Variants in PTPRG observed in about 807,000 individuals in gnomAD.
The protein encoded by PTPRG is receptor-type tyrosine-protein phosphatase gamma.
A neutral mutation model predicts 165.3 loss-of-function variants in PTPRG; 102 were observed. The ratio of observed to expected loss-of-function variants is 0.62; its 90% CI spans 0.53 to 0.73. PTPRG has a LOEUF of 0.73. PTPRG is among the 30% of genes least tolerant of loss of function. PTPRG has a pLI of 0.00. For synonymous variants in PTPRG, 675 were observed against 669.5 expected, an observed-to-expected ratio of 1.01 and a Z score of -0.13; for missense variants, 1,866 against 1,861.4, an observed-to-expected ratio of 1.00 and a Z score of -0.05.
At chr3:62,285,806 T>C (rs915618071) in intron 28 of PTPRG, among the ~76,000 whole-genome samples, 2 of 152,124 alleles carry the variant, frequency 1.3e-5, no homozygotes, top group Non-Finnish European at 2.9e-5. Context: ...CAGCTGTAGA[T>C]CAGACCTCAC....
Position 61,887,139 on chromosome 3 carries a change from TA to T in PTPRG, c.191-102485del, listed in dbSNP as rs1559670136. On this transcript the variant is annotated intron_variant, in intron 2 of 29. Transcript: ENST00000474889. ...CATAGCATGCATATATATATATATA[TA>T]TATATATATATATATATATATATAT... is the stretch of plus-strand genomic sequence containing the variant. Among the ~76,000 whole-genome samples the T allele has an allele frequency of 7.7e-5, 4 of 51,882 alleles. 2 individuals carry two copies. In the East Asian group the frequency reaches 1.9e-3, roughly 25 times the overall value. The allele number at this position is 51,882 out of a possible 152,430, so 34.0% of individuals were successfully genotyped here.
At chr3:61,896,182 A>G (rs151289224) in intron 2 of PTPRG, among the ~76,000 whole-genome samples, 451 of 152,214 alleles carry the variant, frequency 3.0e-3, no homozygotes, top group African/African-American at 0.01. Flanking sequence ...AGGATCCCTC[A>G]TGTTTCCCTT....
At chr3:62,071,291 A>G (rs560397624) in intron 4 of PTPRG, among the ~76,000 whole-genome samples, 2 of 152,316 alleles carry the variant, frequency 1.3e-5, no homozygotes, top group African/African-American at 4.8e-5. Context: ...AATAAAACGT[A>G]GAGCTTTCTA....
At position 62,003,512 on chromosome 3, in the gene PTPRG, A is replaced by G. The variant is rs1483016303; in HGVS notation, c.519+15A>G. ...TTCCTGTTGAGGTGAGAGAAAGTCA[A>G]GATCTCAACGTGTAGCTGTGCTTCG... On this transcript the variant is annotated intron_variant, in intron 4 of 29. Transcript: ENST00000474889. 1 of 1,613,270 alleles carries G rather than the reference A, an allele frequency of 6.2e-7. No individual in the cohort carries two copies. Among genetic ancestry groups the G allele is most frequent in the East Asian group, 2.2e-5 (1 of 44,856 alleles).
At chr3:61,843,873 C>T (rs2036725205) in intron 2 of PTPRG, among the ~76,000 whole-genome samples, 1 of 150,740 alleles carries the variant, frequency 6.6e-6, no homozygotes, top group South Asian at 2.1e-4. Flanking sequence ...ATTCCATGCA[C>T]TTAAAATGCT....
intron 7 of PTPRG, among the ~76,000 whole-genome samples, chr3:62,167,028 T>C (rs1212364776): frequency 6.6e-6 from 1 of 152,126 alleles, no homozygotes; most frequent in Non-Finnish European, 1.5e-5. Flanking sequence ...GGCACCCTGA[T>C]TTTTTTCCTT....
intron 2 of PTPRG, among the ~76,000 whole-genome samples, chr3:61,752,802 G>GAAAATAAAA (rs1553660820): frequency 9.6e-6 from 1 of 103,728 alleles, no homozygotes; most frequent in Non-Finnish European, 1.9e-5. Flanking sequence ...AAAAAAAAAA[G>GAAAATAAAA]AAAAAAAAAA....
intron 2 of PTPRG, among the ~76,000 whole-genome samples, chr3:61,948,322 T>C (rs2039814495): frequency 6.6e-6 from 1 of 151,318 alleles, no homozygotes; most frequent in African/African-American, 2.4e-5. Context: ...TAAAACTCCG[T>C]TTTACAAAAA....
intron 1 of PTPRG, among the ~76,000 whole-genome samples, chr3:61,623,073 G>T (rs1701506724): frequency 6.6e-6 from 1 of 152,122 alleles, no homozygotes; most frequent in Non-Finnish European, 1.5e-5. Context: ...TGATATCACA[G>T]GGTTTCCTTG....
chr3:61,900,916 A>G (rs1486541389), intron 2 of PTPRG, among the ~76,000 whole-genome samples: 2 of 152,092 alleles, frequency 1.3e-5, no homozygotes, highest in African/African-American at 4.8e-5. Context: ...AGCCTCCATT[A>G]CCTCATCTTT....
intron 5 of PTPRG, among the ~76,000 whole-genome samples, chr3:62,105,865 CTTAATAAGCGT>C (rs574861914): frequency 3.7e-4 from 57 of 152,262 alleles, no homozygotes; most frequent in African/African-American, 1.3e-3. Flanking sequence ...AAATCATTCA[CTTAATAAGCGT>C]TTAATGAACA....
At chr3:61,668,497 A>C (rs1702872515) in intron 1 of PTPRG, among the ~76,000 whole-genome samples, 1 of 152,172 alleles carries the variant, frequency 6.6e-6, no homozygotes, top group African/African-American at 2.4e-5. Flanking sequence ...TGACAGGCCC[A>C]TTTTAGTAGA....
chr3:61,625,075 T>G (rs60197976), intron 1 of PTPRG, among the ~76,000 whole-genome samples: 2 of 151,902 alleles, frequency 1.3e-5, no homozygotes, highest in Admixed American at 6.6e-5. Context: ...GTGTTCATAT[T>G]TTCTCTCTTT....
chr3:62,230,329 G>C (rs1700870593), intron 13 of PTPRG, among the ~76,000 whole-genome samples: 2 of 152,172 alleles, frequency 1.3e-5, no homozygotes, highest in Admixed American at 1.3e-4. Flanking sequence ...TTAACAAAAT[G>C]TTAACTCCTT....
intron 2 of PTPRG, among the ~76,000 whole-genome samples, chr3:61,977,384 T>G (rs1452100560): frequency 6.6e-6 from 1 of 152,148 alleles, no homozygotes; most frequent in Non-Finnish European, 1.5e-5. Context: ...TTTTAACATG[T>G]TTTTGGTTAA....
rs986456027 is a variant in PTPRG at position 62,254,452 on chromosome 3, A to G, written c.2468-672A>G. ...TCTCCTTTTGAAGTGACAACACGAAATAAATGGGAATGTGGAGTCTTCCCG... is the reference window on the plus strand; with the variant it reads ...TCTCCTTTTGAAGTGACAACACGAAGTAAATGGGAATGTGGAGTCTTCCCG... On this transcript the variant is annotated intron_variant, in intron 15 of 29. Transcript: ENST00000474889. The surrounding 1 kb of genome is among the most constrained non-coding windows in gnomAD (Gnocchi z 4.6). 1.3e-5 allele frequency among the ~76,000 whole-genome samples: 2 copies of G among 152,182 alleles called. No homozygotes were observed. The highest frequency in any genetic ancestry group is 4.8e-5 in the African/African-American group (2 of 41,436).
rs77412523 is a variant in PTPRG at position 62,122,760 on chromosome 3, A to G, written c.616-9842A>G. 1.5e-3 allele frequency among the ~76,000 whole-genome samples: 235 copies of G among 152,322 alleles called. 3 individuals carry two copies. Among genetic ancestry groups the G allele is most frequent in the South Asian group, 0.013 (64 of 4,820 alleles). ...TTGGTTGGAACTTGGATTTTAAACA[A>G]ACTGCTTCTTTTCAAACTCTAGAAA... On this transcript the variant is annotated intron_variant, in intron 5 of 29. Transcript: ENST00000474889.
intron 5 of PTPRG, among the ~76,000 whole-genome samples, chr3:62,112,013 A>G (rs1202913577): frequency 6.6e-6 from 1 of 152,186 alleles, no homozygotes; most frequent in Non-Finnish European, 1.5e-5. Context: ...CATGTGAGTT[A>G]TAGGAATTAT....
At chr3:61,592,319 G>A (rs1473023992) in intron 1 of PTPRG, among the ~76,000 whole-genome samples, 2 of 152,164 alleles carry the variant, frequency 1.3e-5, no homozygotes, top group Non-Finnish European at 2.9e-5. Flanking sequence ...AGTTTTGTGC[G>A]GAGACTGTAA....
Sources: allele counts gnomAD v4.1 joint callset (sites outside exome capture counted in the v4.1 genomes callset), GRCh38; gene constraint gnomAD v4.1.1; non-coding constraint Gnocchi (gnomAD v3.1); transcripts MANE v1.5; gene names NCBI Gene and HGNC (gene_info 2026-07-23, HGNC 2026-07-21).